CCDC92: variants seen among roughly 807,000 people sequenced by gnomAD.
The protein encoded by CCDC92 is coiled-coil domain containing 92.
Under a neutral mutation model 24.9 loss-of-function variants are expected in CCDC92, and 12 were observed. That is an observed-to-expected ratio of 0.48 (90% CI 0.31 to 0.78). CCDC92 has a LOEUF of 0.78. CCDC92 is among the 30% of genes least tolerant of loss of function. The pLI, the probability that CCDC92 is intolerant of heterozygous loss-of-function variation, is 0.05. For synonymous variants in CCDC92, 193 were observed against 196.3 expected (o/e 0.98, Z 0.14); for missense variants, 399 against 439.4 (o/e 0.91, Z 0.82).
At chr12:123,969,347 G>A (rs2138230894) in intron 1 of CCDC92, among the ~76,000 whole-genome samples, 1 of 152,050 alleles carries the variant, frequency 6.6e-6, no homozygotes, top group Non-Finnish European at 1.5e-5. Flanking sequence ...CTTAATGTAG[G>A]TGGATATGAC....
intron 1 of CCDC92, among the ~76,000 whole-genome samples, chr12:123,951,265 C>A (rs1471107468): frequency 6.6e-6 from 1 of 152,190 alleles, no homozygotes; most frequent in Non-Finnish European, 1.5e-5. Flanking sequence ...CTGAACATGA[C>A]CTCACCCCAT....
chr12:123,960,850 C>T (rs962356921), intron 1 of CCDC92: 19 of 152,344 alleles, frequency 1.2e-4, no homozygotes, highest in African/African-American at 3.4e-4. Context: ...ATCACCAGGA[C>T]GTTATGGGGA....
At chr12:123,957,195 T>A (rs566360182) in intron 1 of CCDC92, among the ~76,000 whole-genome samples, 1 of 152,362 alleles carries the variant, frequency 6.6e-6, no homozygotes, top group Admixed American at 6.5e-5. Context: ...CAATTTTGGT[T>A]TAGAGTGCCC....
At chr12:123,945,355 G>C (rs1240790663) in intron 1 of CCDC92, 1 of 152,146 alleles carries the variant, frequency 6.6e-6, no homozygotes, top group East Asian at 1.9e-4. Context: ...TGTGTAGGCT[G>C]CTGGGCCAGA....
chr12:123,942,208 G>A lies in CCDC92; in HGVS notation c.223+536C>T, dbSNP rs57731567. The stretch of plus-strand genomic sequence containing the variant: ...CAGCTGCCCTTTGGGGTTTCCTGAG[G>A]TCCTGGAGGATTCTGGTTTGGGGAG... On this transcript the variant is annotated intron_variant, in intron 4 of 4. Transcript: ENST00000238156. Among the ~76,000 whole-genome samples, 195 of 152,312 alleles carry A rather than the reference G, an allele frequency of 1.3e-3. 5 individuals carry two copies. In the East Asian group the frequency reaches 0.033, roughly 26 times the overall value.
At chr12:123,967,130 T>C (rs923485529) in intron 1 of CCDC92, among the ~76,000 whole-genome samples, 1 of 152,070 alleles carries the variant, frequency 6.6e-6, no homozygotes, top group African/African-American at 2.4e-5. Context: ...TGAAATCACA[T>C]TGCAGAGGCT....
intron 1 of CCDC92, among the ~76,000 whole-genome samples, chr12:123,964,566 G>A (rs986835356): frequency 6.6e-6 from 1 of 152,106 alleles, no homozygotes; most frequent in South Asian, 2.1e-4. Flanking sequence ...GGGAGTGGGG[G>A]TGGGGCACAC....
At chr12:123,967,761 A>T (rs1288044545) in intron 1 of CCDC92, among the ~76,000 whole-genome samples, 8 of 152,254 alleles carry the variant, frequency 5.3e-5, no homozygotes, top group Admixed American at 2.6e-4. Context: ...TTTAAGAAAG[A>T]CAGTATTGTA....
chr12:123,950,187 A>G (rs1337801613), intron 1 of CCDC92, among the ~76,000 whole-genome samples: 1 of 152,246 alleles, frequency 6.6e-6, no homozygotes, highest in Non-Finnish European at 1.5e-5. Context: ...AATTTCATGC[A>G]GAAATTCAGA....
chr12:123,943,386 G>A lies in CCDC92; in HGVS notation c.142C>T (p.Leu48=), dbSNP rs1019900437. The stretch of plus-strand genomic sequence containing the variant: ...TGCAGCCGCCTGATCTCGGAGTGCA[G>A]CCCCTTGAGCGTGCTGGCATGCTCC... ...QREHASTLKG[L]HSEIRRLQQH... Residue 48 remains leucine (L), a synonymous_variant, in exon 3 of 5, where the codon CTG becomes TTG. Transcript: ENST00000238156. The A allele has an allele frequency of 3.1e-5, 50 of 1,613,850 alleles. No homozygotes were observed. The highest frequency in any genetic ancestry group is 3.9e-5 in the Non-Finnish European group (46 of 1,180,030).
chr12:123,969,722 G>A (rs776031336), intron 1 of CCDC92, among the ~76,000 whole-genome samples: 1 of 151,956 alleles, frequency 6.6e-6, no homozygotes, highest in African/African-American at 2.4e-5. Flanking sequence ...TCGGCCTCAG[G>A]AGTGAGCCAC....
At chr12:123,968,709 T>A (rs527435677) in intron 1 of CCDC92, 15 of 151,534 alleles carry the variant, frequency 9.9e-5, no homozygotes, top group Non-Finnish European at 1.6e-4. Context: ...TGAGAGAGAG[T>A]AACTATTTTA....
chr12:123,959,465 C>T (rs193287205), intron 1 of CCDC92, among the ~76,000 whole-genome samples: 115 of 152,120 alleles, frequency 7.6e-4, no homozygotes, highest in African/African-American at 2.4e-3. Flanking sequence ...CCACCACGCC[C>T]GGCTCATTTT....
Position 123,958,111 on chromosome 12 carries a change from C to T in CCDC92, c.-59-13747G>A, listed in dbSNP as rs112842169. On this transcript the variant is annotated intron_variant, in intron 1 of 4. Coordinates refer to ENST00000238156, the MANE Select transcript of CCDC92 (RefSeq NM_025140.3). ...TCTTGTTGCCCAGGCTGGAGTGCAACGGCGTGATCTCAGCTCACCACAACC... is the reference window on the plus strand; with the variant it reads ...TCTTGTTGCCCAGGCTGGAGTGCAATGGCGTGATCTCAGCTCACCACAACC... Among the ~76,000 whole-genome samples, 617 of 152,072 alleles carry T rather than the reference C, an allele frequency of 4.1e-3. 7 individuals carry two copies. The highest frequency in any genetic ancestry group is 0.014 in the African/African-American group (583 of 41,484).
intron 2 of CCDC92, chr12:123,943,940 T>G: frequency 2.1e-6 from 1 of 476,908 alleles, no homozygotes; most frequent in East Asian, 3.8e-5. Flanking sequence ...AGACTGTGAC[T>G]GACCAAATCA....
intron 4 of CCDC92, among the ~76,000 whole-genome samples, chr12:123,941,865 A>G (rs1316970791): frequency 1.3e-5 from 2 of 152,204 alleles, no homozygotes; most frequent in Admixed American, 6.5e-5. Flanking sequence ...ATTCCAGTCA[A>G]TGGAAACTGG....
At chr12:123,954,920 A>G (rs975203215) in intron 1 of CCDC92, among the ~76,000 whole-genome samples, 13 of 152,304 alleles carry the variant, frequency 8.5e-5, no homozygotes, top group African/African-American at 2.6e-4. Flanking sequence ...ATGCCCATAC[A>G]GTGTCAACTC....
intron 1 of CCDC92, among the ~76,000 whole-genome samples, chr12:123,954,172 C>T (rs1956096408): frequency 1.3e-5 from 2 of 152,032 alleles, no homozygotes; most frequent in African/African-American, 4.8e-5. Flanking sequence ...CCAGGGTAAT[C>T]TTGGATTGCT....
Position 123,947,475 on chromosome 12 carries a change from A to T in CCDC92, c.-59-3111T>A, listed in dbSNP as rs917101946. ...TTTATGTCTAGCTCAGGGATTGTAA[A>T]TACACCAATTGGCACTCTGTATCTA... On this transcript the variant is annotated intron_variant, in intron 1 of 4. Transcript: ENST00000238156. Among the ~76,000 whole-genome samples, 30 of 152,190 alleles carry T rather than the reference A, an allele frequency of 2.0e-4. 1 individual carries two copies. Among genetic ancestry groups the T allele is most frequent in the Non-Finnish European group, 1.5e-5 (1 of 68,036 alleles).
Sources: gnomAD v4.1 joint callset for allele counts (sites outside exome capture counted in the v4.1 genomes callset) on GRCh38, gnomAD v4.1.1 for gene constraint, MANE v1.5 for transcripts, NCBI Gene and HGNC (gene_info 2026-07-23, HGNC 2026-07-21) for gene names.